SGCZ: variants seen among roughly 807,000 people sequenced by gnomAD.
SGCZ encodes sarcoglycan zeta.
In SGCZ, 40 loss-of-function variants were observed where a neutral mutation model predicts 41.3. The ratio of observed to expected loss-of-function variants is 0.97; its 90% CI spans 0.75 to 1.26. The LOEUF (loss-of-function observed/expected upper bound fraction) is 1.26, where lower values mean the gene tolerates loss of function less well. Ranked by LOEUF, SGCZ falls within the 50% of genes most tolerant of loss-of-function variation. SGCZ has a pLI of 0.00. For synonymous variants in SGCZ, 206 were observed against 137.5 expected, an observed-to-expected ratio of 1.50 and a Z score of -3.49; for missense variants, 552 against 369.8, an observed-to-expected ratio of 1.49 and a Z score of -4.04.
chr8:15,023,751 T>C (rs1436817565), intron 1 of SGCZ, among the ~76,000 whole-genome samples: 2 of 152,150 alleles, frequency 1.3e-5, no homozygotes, highest in Admixed American at 6.5e-5. Flanking sequence ...GAGTATTGAA[T>C]AGTGGACAGT....
At chr8:15,081,379 C>T (rs1392567087) in intron 1 of SGCZ, among the ~76,000 whole-genome samples, 3 of 152,018 alleles carry the variant, frequency 2.0e-5, no homozygotes, top group African/African-American at 4.8e-5. Flanking sequence ...AATGTTTTAA[C>T]GTTTTAAATG....
chr8:14,423,551 G>A (rs1452290188), intron 2 of SGCZ, among the ~76,000 whole-genome samples: 1 of 151,954 alleles, frequency 6.6e-6, no homozygotes, highest in African/African-American at 2.4e-5. Context: ...CTAGTAGCTG[G>A]GATTACAGGC....
intron 2 of SGCZ, among the ~76,000 whole-genome samples, chr8:14,510,347 A>C (rs918041966): frequency 6.6e-6 from 1 of 152,072 alleles, no homozygotes; most frequent in African/African-American, 2.4e-5. Flanking sequence ...TCCACCTCCC[A>C]TTGGAATTAA....
chr8:15,006,136 G>A (rs1162874722), intron 1 of SGCZ, among the ~76,000 whole-genome samples: 4 of 151,892 alleles, frequency 2.6e-5, no homozygotes, highest in South Asian at 2.1e-4. Context: ...GAAAGAGAGA[G>A]GAATAAATAC....
At chr8:14,906,389 C>T (rs1313046149) in intron 1 of SGCZ, among the ~76,000 whole-genome samples, 1 of 152,060 alleles carries the variant, frequency 6.6e-6, no homozygotes, top group African/African-American at 2.4e-5. Context: ...GAGTAAAAGT[C>T]CAGGAAGACA....
intron 2 of SGCZ, among the ~76,000 whole-genome samples, chr8:14,465,383 G>A (rs1801020439): frequency 6.6e-6 from 1 of 151,664 alleles, no homozygotes; most frequent in African/African-American, 2.4e-5. Context: ...ACTATCCGTG[G>A]TATTATTTGC....
chr8:15,162,569 G>A (rs540248831), intron 1 of SGCZ, among the ~76,000 whole-genome samples: 2 of 152,170 alleles, frequency 1.3e-5, no homozygotes, highest in African/African-American at 4.8e-5. Flanking sequence ...CCCTTCTCCA[G>A]CTTTTCACTT....
chr8:14,705,224 C>A (rs747301129), intron 1 of SGCZ, among the ~76,000 whole-genome samples: 18 of 151,752 alleles, frequency 1.2e-4, no homozygotes, highest in Non-Finnish European at 2.4e-4. Flanking sequence ...CAATATGTAA[C>A]CTTGGTGGGG....
At chr8:14,994,474 C>A (rs1456644972) in intron 1 of SGCZ, among the ~76,000 whole-genome samples, 4 of 152,160 alleles carry the variant, frequency 2.6e-5, no homozygotes, top group Middle Eastern at 6.8e-3. Flanking sequence ...GTCCAAGCTA[C>A]TGGGGAGGCT....
At chr8:14,117,979 A>T (rs902573162) in intron 5 of SGCZ, among the ~76,000 whole-genome samples, 4 of 151,288 alleles carry the variant, frequency 2.6e-5, no homozygotes. Flanking sequence ...TATGCAGTCT[A>T]TCATTGATTG....
Position 14,601,083 on chromosome 8 carries a change from A to G in SGCZ, c.40-46157T>C, listed in dbSNP as rs984019949. On this transcript the variant is annotated intron_variant, in intron 1 of 7. Coordinates refer to ENST00000382080, the MANE Select transcript of SGCZ (RefSeq NM_139167.4). Reference sequence around the variant, plus strand: ...ATAAAATTATATAAATATTCTATACATTATATAAAATTGATCATACTGTAT... The same window carrying G: ...ATAAAATTATATAAATATTCTATACGTTATATAAAATTGATCATACTGTAT... Among the ~76,000 whole-genome samples the G allele has an allele frequency of 4.0e-5, 6 of 150,752 alleles. No individual in the cohort carries two copies. The East Asian group carries it at 5.8e-4, about 15-fold the overall frequency.
At chr8:15,188,620 G>T (rs1204060926) in intron 1 of SGCZ, among the ~76,000 whole-genome samples, 1 of 152,070 alleles carries the variant, frequency 6.6e-6, no homozygotes, top group South Asian at 2.1e-4. Context: ...TGTTGTGCTT[G>T]TTTTAAAAAA....
At chr8:14,202,968 C>T (rs1010436474) in intron 4 of SGCZ, among the ~76,000 whole-genome samples, 8 of 151,986 alleles carry the variant, frequency 5.3e-5, no homozygotes, top group African/African-American at 9.7e-5. Context: ...GTGGTGTTCT[C>T]GTGATAGTAA....
chr8:14,177,713 A>G (rs1279412383), intron 4 of SGCZ, among the ~76,000 whole-genome samples: 1 of 126,980 alleles, frequency 7.9e-6, no homozygotes, highest in East Asian at 2.2e-4. Flanking sequence ...TTTAGTAGAG[A>G]CGGGGTTTCA....
intron 3 of SGCZ, among the ~76,000 whole-genome samples, chr8:14,239,248 AACACACACACAC>A (rs36209114): frequency 2.0e-3 from 292 of 149,176 alleles, no homozygotes; most frequent in African/African-American, 5.5e-3. Context: ...TTCATACATG[AACACACACACAC>A]ACACACACAC....
At chr8:14,139,534 A>G (rs1803303379) in intron 5 of SGCZ, among the ~76,000 whole-genome samples, 1 of 152,184 alleles carries the variant, frequency 6.6e-6, no homozygotes, top group Admixed American at 6.5e-5. Flanking sequence ...AGTAATACAA[A>G]CTACCATCAA....
Position 14,337,281 on chromosome 8 carries a change from G to T in SGCZ, c.235-13077C>A, listed in dbSNP as rs138843740. On this transcript the variant is annotated intron_variant, in intron 2 of 7. Coordinates refer to ENST00000382080, the MANE Select transcript of SGCZ (RefSeq NM_139167.4). The stretch of plus-strand genomic sequence containing the variant: ...CTGTCTACAAAACTAGGGCTTAGTT[G>T]CAACACAAAGCTGTGTATGAGTTGG... 6.1e-3 allele frequency among the ~76,000 whole-genome samples: 925 copies of T among 152,178 alleles called. 6 individuals are homozygous for T. The highest frequency in any genetic ancestry group is 0.021 in the South Asian group (99 of 4,824).
intron 1 of SGCZ, among the ~76,000 whole-genome samples, chr8:14,905,416 C>G (rs1305856799): frequency 6.6e-6 from 1 of 151,942 alleles, no homozygotes; most frequent in African/African-American, 2.4e-5. Context: ...ACAATAAAGT[C>G]AGGTAGTATA....
intron 1 of SGCZ, among the ~76,000 whole-genome samples, chr8:15,085,912 G>C (rs913447025): frequency 6.6e-6 from 1 of 152,090 alleles, no homozygotes; most frequent in Non-Finnish European, 1.5e-5. Context: ...CAAAAACCAT[G>C]AATGCTACAA....
Sources: allele counts gnomAD v4.1 joint callset (sites outside exome capture counted in the v4.1 genomes callset), GRCh38; gene constraint gnomAD v4.1.1; transcripts MANE v1.5; gene names NCBI Gene and HGNC (gene_info 2026-07-23, HGNC 2026-07-21).